C1orf94: variants seen among roughly 807,000 people sequenced by gnomAD.
The protein encoded by C1orf94 is uncharacterized protein C1orf94.
Under a neutral mutation model 53.6 loss-of-function variants are expected in C1orf94, and 45 were observed. The observed-to-expected ratio is 0.84, with a 90% confidence interval of 0.66 to 1.08. The LOEUF (loss-of-function observed/expected upper bound fraction) is 1.08, where lower values mean the gene tolerates loss of function less well. Among genes scored for constraint, C1orf94 ranks in the 50% least tolerant of loss-of-function variants. The pLI, the probability that C1orf94 is intolerant of heterozygous loss-of-function variation, is 0.00. For missense variants in C1orf94, 762 were observed against 738.9 expected (o/e 1.03, Z -0.36); for synonymous variants, 304 against 296.1 (o/e 1.03, Z -0.27).
In C1orf94 at chr1:34,197,562, A is replaced by G; in HGVS notation, c.658A>G (p.Lys220Glu). Residue 220 changes from lysine to glutamate, a missense_variant, in exon 2 of 7, where the codon AAG (lysine) becomes GAG (glutamate). Physicochemically the swap from Lys to Glu is moderately conservative, Grantham distance 56 (BLOSUM62 1). Coordinates refer to ENST00000488417, the MANE Select transcript of C1orf94 (RefSeq NM_001134734.2). The surrounding 1 kb of genome is among the most constrained non-coding windows in gnomAD (Gnocchi z 4.1). ...ILCAAEVKSS[K>E]GTEDRGRILG... ...GTGTGCCGCCGAGGTCAAGAGCAGC[A>G]AGGGGACAGAGGACAGGGGCCGCAT... The G allele has an allele frequency of 6.2e-7, 1 of 1,614,164 alleles. No individual in the cohort carries two copies. Among genetic ancestry groups the G allele is most frequent in the Non-Finnish European group, 8.5e-7 (1 of 1,180,020 alleles).
chr1:34,210,861 G>T (rs1384339242), intron 5 of C1orf94, among the ~76,000 whole-genome samples: 1 of 151,684 alleles, frequency 6.6e-6, no homozygotes, highest in Non-Finnish European at 1.5e-5. Context: ...CACCATATTG[G>T]CCAGGCTGGT....
At chr1:34,186,731 C>T (rs1377702020) in intron 1 of C1orf94, among the ~76,000 whole-genome samples, 2 of 152,196 alleles carry the variant, frequency 1.3e-5, no homozygotes, top group African/African-American at 4.8e-5. Context: ...GGGAAGGACA[C>T]AGCCCCTTAA....
In C1orf94 at chr1:34,177,918, C is replaced by T. The variant is rs1362368166; in HGVS notation, c.129C>T (p.Ala43=). ...CCCTGGTGGCCAAGGGCCCCTGCGC[C>T]CTGGGCCCATTCCCCAGATACATCT... ...SSALVAKGPC[A]LGPFPRYIWI... The change falls in exon 1 of 7, where the codon GCC becomes GCT. Residue 43 remains alanine (A), a synonymous_variant. Transcript: ENST00000488417. The T allele has an allele frequency of 1.3e-6, 2 of 1,551,730 alleles. No homozygotes were observed. Among genetic ancestry groups the T allele is most frequent in the Non-Finnish European group, 1.7e-6 (2 of 1,146,996 alleles).
chr1:34,195,244 C>G (rs1642560126), intron 1 of C1orf94, among the ~76,000 whole-genome samples: 1 of 152,182 alleles, frequency 6.6e-6, no homozygotes, highest in Non-Finnish European at 1.5e-5. Context: ...CTGAATGTTT[C>G]CTGTGCACAG....
At chr1:34,208,333 C>T in intron 5 of C1orf94, 99 bp downstream of exon 5, 2 of 1,171,788 alleles carry the variant, frequency 1.7e-6, no homozygotes, top group South Asian at 1.4e-5. Flanking sequence ...GGTGACCAGA[C>T]ACCTGGCCCA....
chr1:34,201,087 A>T, intron 3 of C1orf94, 55 bp downstream of exon 3: 1 of 1,542,368 alleles, frequency 6.5e-7, no homozygotes, highest in Non-Finnish European at 8.8e-7. Context: ...AGTGACCCTC[A>T]CAGGCTTCAG....
chr1:34,213,173 G>T (rs1460971511), intron 6 of C1orf94, among the ~76,000 whole-genome samples: 2 of 152,210 alleles, frequency 1.3e-5, no homozygotes, highest in Admixed American at 6.5e-5. Flanking sequence ...ACACCCTGGG[G>T]AATGGGTGCC....
At position 34,177,894 on chromosome 1, in the gene C1orf94, C is replaced by T. The variant is rs1420473278; in HGVS notation, c.105C>T (p.Ala35=). 1.9e-6 allele frequency: 3 copies of T among 1,551,668 alleles called. No individual in the cohort carries two copies. The highest frequency in any genetic ancestry group is 2.6e-6 in the Non-Finnish European group (3 of 1,146,952). The part of the protein sequence containing the change: ...ASGNGLPSSS[A]LVAKGPCALG... ...GGAATGGGCTTCCTTCATCCTCGGC[C>T]CTGGTGGCCAAGGGCCCCTGCGCCC... The change falls in exon 1 of 7, where the codon GCC becomes GCT. Residue 35 remains alanine (A), a synonymous_variant. Coordinates refer to ENST00000488417, the MANE Select transcript of C1orf94 (RefSeq NM_001134734.2).
At chr1:34,175,631 C>T (rs182133505), upstream of C1orf94, among the ~76,000 whole-genome samples, 13 of 152,174 alleles carry the variant, frequency 8.5e-5, no homozygotes, top group East Asian at 1.7e-3. Flanking sequence ...AGCAAGGTTG[C>T]GTATTGGGCA....
At chr1:34,216,363 C>G (rs1015466000) in intron 6 of C1orf94, among the ~76,000 whole-genome samples, 1 of 151,836 alleles carries the variant, frequency 6.6e-6, no homozygotes, top group African/African-American at 2.4e-5. Flanking sequence ...TGTGGAGGAA[C>G]CAGCAAAGAT....
At chr1:34,215,266 C>T (rs940059091) in intron 6 of C1orf94, among the ~76,000 whole-genome samples, 1 of 152,138 alleles carries the variant, frequency 6.6e-6, no homozygotes, top group Non-Finnish European at 1.5e-5. Context: ...CCTGTGGCTG[C>T]AGCACAAACA....
intron 1 of C1orf94, among the ~76,000 whole-genome samples, chr1:34,178,527 A>G (rs1192947739): frequency 6.6e-6 from 1 of 152,236 alleles, no homozygotes; most frequent in African/African-American, 2.4e-5. Context: ...CACATCTGGA[A>G]TTCCCTAATA....
chr1:34,179,418 A>T (rs1442464314), intron 1 of C1orf94, among the ~76,000 whole-genome samples: 2 of 152,230 alleles, frequency 1.3e-5, no homozygotes, highest in African/African-American at 4.8e-5. Context: ...CAAGAAGCTG[A>T]TTGTCCACTT....
chr1:34,173,710 G>A (rs1642181143), upstream of C1orf94, among the ~76,000 whole-genome samples: 2 of 152,212 alleles, frequency 1.3e-5, 1 homozygote, highest in South Asian at 4.1e-4. Flanking sequence ...TCATAGATGA[G>A]CAAATGGAGA....
chr1:34,206,404 C>T (rs377331977), intron 4 of C1orf94, among the ~76,000 whole-genome samples: 2 of 152,274 alleles, frequency 1.3e-5, no homozygotes, highest in East Asian at 1.9e-4. Flanking sequence ...TTAGGCTCTG[C>T]GGTCTGGAGG....
chr1:34,198,667 G>T (rs1378228411), intron 2 of C1orf94, among the ~76,000 whole-genome samples: 1 of 152,234 alleles, frequency 6.6e-6, no homozygotes, highest in African/African-American at 2.4e-5. Context: ...AATTTCCTCT[G>T]GGCTATGAGC....
chr1:34,216,006 A>AAAAAC (rs903524871), intron 6 of C1orf94, among the ~76,000 whole-genome samples: 2 of 152,190 alleles, frequency 1.3e-5, no homozygotes, highest in African/African-American at 2.4e-5. Context: ...ACTCCATCTC[A>AAAAAC]AAAACAAAAC....
upstream of C1orf94, among the ~76,000 whole-genome samples, chr1:34,172,554 G>A (rs1016901342): frequency 5.9e-5 from 9 of 152,126 alleles, no homozygotes; most frequent in Non-Finnish European, 1.2e-4. Flanking sequence ...AGTAGAGTAG[G>A]AATTCCAATT....
chr1:34,179,069 A>T (rs80032257), intron 1 of C1orf94, among the ~76,000 whole-genome samples: 4,713 of 152,360 alleles, frequency 0.031, 170 homozygotes, highest in African/African-American at 0.082. Flanking sequence ...TTGGGGAGCC[A>T]TTCAGGCATT....
Sources: gnomAD v4.1 joint callset for allele counts (sites outside exome capture counted in the v4.1 genomes callset) on GRCh38, gnomAD v4.1.1 for gene constraint, Gnocchi (gnomAD v3.1) non-coding constraint, MANE v1.5 for transcripts, NCBI Gene and HGNC (gene_info 2026-07-23, HGNC 2026-07-21) for gene names.